Variants in ATF6 observed in about 807,000 individuals in gnomAD.
The protein encoded by ATF6 is cyclic AMP-dependent transcription factor ATF-6 alpha.
A neutral mutation model predicts 83.6 loss-of-function variants in ATF6; 53 were observed. That is an observed-to-expected ratio of 0.63 (90% CI 0.51 to 0.80). The LOEUF (loss-of-function observed/expected upper bound fraction) is 0.80. ATF6 is among the 30% of genes least tolerant of loss of function. The pLI is 0.00. For synonymous variants in ATF6, 288 were observed against 285.8 expected (o/e 1.01, Z -0.08); for missense variants, 744 against 797.9 (o/e 0.93, Z 0.81).
chr1:161,849,682 T>C (rs1686567461), intron 10 of ATF6, among the ~76,000 whole-genome samples: 1 of 147,070 alleles, frequency 6.8e-6, no homozygotes, highest in African/African-American at 2.7e-5. Context: ...TTTTTTATTT[T>C]CTTTCTGCCT....
intron 14 of ATF6, among the ~76,000 whole-genome samples, chr1:161,909,055 A>G (rs771112478): frequency 5.3e-5 from 8 of 152,228 alleles, no homozygotes; most frequent in Non-Finnish European, 1.0e-4. Context: ...TAATTTAACT[A>G]GTAATTTGGT....
intron 10 of ATF6, among the ~76,000 whole-genome samples, chr1:161,850,103 CT>C (rs1686580329): frequency 6.6e-6 from 1 of 152,134 alleles, no homozygotes; most frequent in African/African-American, 2.4e-5. Flanking sequence ...TCAGCTTCCC[CT>C]TTTGCCTCCA....
chr1:161,797,665 A>G (rs1036803283), intron 6 of ATF6, among the ~76,000 whole-genome samples: 1 of 152,236 alleles, frequency 6.6e-6, no homozygotes, highest in Admixed American at 6.5e-5. Context: ...GAAAGAAATC[A>G]GAGATCACAC....
At chr1:161,919,535 T>C (rs1256622757) in intron 15 of ATF6, among the ~76,000 whole-genome samples, 2 of 152,234 alleles carry the variant, frequency 1.3e-5, no homozygotes, top group Non-Finnish European at 2.9e-5. Context: ...TGTTTTTTAA[T>C]GGTAGATAGC....
At chr1:161,902,270 G>C (rs1440390614) in intron 14 of ATF6, among the ~76,000 whole-genome samples, 1 of 152,150 alleles carries the variant, frequency 6.6e-6, no homozygotes, top group East Asian at 1.9e-4. Context: ...TCTTGAGATA[G>C]CCATTATGCT....
chr1:161,895,008 G>A (rs1687645977), intron 14 of ATF6, among the ~76,000 whole-genome samples: 1 of 152,118 alleles, frequency 6.6e-6, no homozygotes, highest in Non-Finnish European at 1.5e-5. Flanking sequence ...GGGGGCCAAG[G>A]TGGGCAGAAC....
At chr1:161,924,005 T>C (rs920028615) in intron 15 of ATF6, among the ~76,000 whole-genome samples, 1 of 152,248 alleles carries the variant, frequency 6.6e-6, no homozygotes, top group South Asian at 2.1e-4. Context: ...TGTTATTTTT[T>C]ATTTTTTAAT....
chr1:161,780,329 A>G (rs1408934756), intron 2 of ATF6, among the ~76,000 whole-genome samples: 1 of 152,078 alleles, frequency 6.6e-6, no homozygotes, highest in Non-Finnish European at 1.5e-5. Flanking sequence ...ACCAATTACT[A>G]GATACATTTT....
chr1:161,863,220 C>A lies in ATF6; in HGVS notation c.1627C>A (p.Gln543Lys). 2 of 1,607,822 alleles carry A rather than the reference C, an allele frequency of 1.2e-6. No individual in the cohort carries two copies. The highest frequency in any genetic ancestry group is 1.7e-6 in the Non-Finnish European group (2 of 1,175,228). ...SISRNSGSEL[Q>K]VYYASPRSYQ... is the part of the protein sequence containing the mutation. ...TAGCAGGAACTCAGGGAGTGAGCTACAAGTGTATTATGCTTCACCCAGAAG... is the reference window on the plus strand; with the variant it reads ...TAGCAGGAACTCAGGGAGTGAGCTAAAAGTGTATTATGCTTCACCCAGAAG... Residue 543 changes from glutamine (Q) to lysine (K), a missense_variant, in exon 14 of 16, where the codon CAA becomes AAA. Coordinates refer to ENST00000367942, the MANE Select transcript of ATF6 (RefSeq NM_007348.4).
intron 15 of ATF6, among the ~76,000 whole-genome samples, chr1:161,954,912 C>T (rs1688935785): frequency 6.6e-6 from 1 of 152,104 alleles, no homozygotes; most frequent in African/African-American, 2.4e-5. Context: ...TGTGCAGTGC[C>T]CAAATGTGTG....
At chr1:161,791,205 C>G (rs1438625311) in intron 4 of ATF6, among the ~76,000 whole-genome samples, 1 of 151,686 alleles carries the variant, frequency 6.6e-6, no homozygotes, top group African/African-American at 2.4e-5. Flanking sequence ...ACTTACTCTG[C>G]ATTTTGAGTT....
rs16844123 is a variant in ATF6 at position 161,778,463 on chromosome 1, T to C, written c.159+143T>C. ...TAGCTTCTACCATTAAGTATGAAAG[T>C]TAGTAGCCATTTTGTAATCAGTAAA... On this transcript the variant is annotated intron_variant, in intron 2 of 15. Transcript: ENST00000367942. The C allele has an allele frequency of 4.4e-3, 2,759 of 625,778 alleles. 70 individuals are homozygous for C. The African/African-American group carries it at 0.045, about 10-fold the overall frequency. 38.8% of individuals were successfully genotyped at this position (625,778 alleles called of 1,614,324 possible). A position where few individuals can be genotyped will look rare whatever the true frequency, so the allele number is the denominator to read the frequency against.
Position 161,860,202 on chromosome 1 carries a change from T to C in ATF6, c.1534-5T>C. On this transcript the variant is annotated splice_polypyrimidine_tract_variant and splice_region_variant and intron_variant, in intron 12 of 15. Transcript: ENST00000367942. ...ATTAAACTTTTTTTTTTTTTAATAT[T>C]CCAGGGTGCTCTGGAACAGGGCTCA... 6.3e-7 allele frequency: 1 copy of C among 1,575,866 alleles called. No individual in the cohort carries two copies. Among genetic ancestry groups the C allele is most frequent in the East Asian group, 2.3e-5 (1 of 44,340 alleles).
At chr1:161,888,625 T>C (rs192050949) in intron 14 of ATF6, among the ~76,000 whole-genome samples, 1 of 152,302 alleles carries the variant, frequency 6.6e-6, no homozygotes, top group East Asian at 1.9e-4. Context: ...CCAAGTACTG[T>C]TAATTTTACT....
intron 1 of ATF6, among the ~76,000 whole-genome samples, chr1:161,768,644 A>C (rs1386239756): frequency 6.6e-6 from 1 of 152,040 alleles, no homozygotes; most frequent in Non-Finnish European, 1.5e-5. Context: ...GTTCACTGTG[A>C]CCTGGAACTC....
intron 2 of ATF6, among the ~76,000 whole-genome samples, chr1:161,780,384 T>A (rs1364928845): frequency 6.6e-6 from 1 of 152,018 alleles, no homozygotes; most frequent in African/African-American, 2.4e-5. Flanking sequence ...TATTTTTATT[T>A]TTTTTTTGAG....
chr1:161,865,047 C>T (rs537440204), intron 14 of ATF6, among the ~76,000 whole-genome samples: 11 of 152,098 alleles, frequency 7.2e-5, no homozygotes, highest in African/African-American at 1.9e-4. Flanking sequence ...TTGATCAAAA[C>T]AGTATAACAG....
At chr1:161,917,856 G>A (rs2101892976) in intron 15 of ATF6, among the ~76,000 whole-genome samples, 2 of 152,190 alleles carry the variant, frequency 1.3e-5, no homozygotes, top group Middle Eastern at 6.8e-3. Context: ...GGAGCAATTT[G>A]GATTTCAGAT....
intron 14 of ATF6, among the ~76,000 whole-genome samples, chr1:161,881,696 G>A (rs1052433301): frequency 2.0e-5 from 3 of 152,014 alleles, no homozygotes; most frequent in Non-Finnish European, 4.4e-5. Flanking sequence ...TCAAATACAT[G>A]ACTTGTAAAT....
Sources: gnomAD v4.1 joint callset for allele counts (sites outside exome capture counted in the v4.1 genomes callset) on GRCh38, gnomAD v4.1.1 for gene constraint, MANE v1.5 for transcripts, NCBI Gene and HGNC (gene_info 2026-07-23, HGNC 2026-07-21) for gene names.